Variants in FBLN2 observed in about 807,000 individuals in gnomAD.
FBLN2 encodes fibulin-2.
In FBLN2, 81 loss-of-function variants were observed where a neutral mutation model predicts 123.7. The ratio of observed to expected loss-of-function variants is 0.65; its 90% confidence interval spans 0.55 to 0.79. The LOEUF is 0.79. FBLN2 is among the 30% of genes least tolerant of loss of function. The pLI, the probability that FBLN2 is intolerant of heterozygous loss-of-function variation, is 0.00. For synonymous variants in FBLN2, 699 were observed against 701.4 expected, an observed-to-expected ratio of 1.00 and a Z score of 0.05; for missense variants, 1,603 against 1,681.3, an observed-to-expected ratio of 0.95 and a Z score of 0.81.
intron 2 of FBLN2, among the ~76,000 whole-genome samples, chr3:13,587,892 C>G (rs879364235): frequency 6.6e-6 from 1 of 152,204 alleles, no homozygotes; most frequent in Admixed American, 6.5e-5. Flanking sequence ...GTTGTCCTGC[C>G]TTTCTGGACC....
intron 6 of FBLN2, 139 bp from the exon 7 acceptor site, chr3:13,618,765 A>G (rs1393530327): frequency 1.5e-6 from 1 of 650,528 alleles, no homozygotes; most frequent in Non-Finnish European, 2.7e-6. Flanking sequence ...TCCAAACCTC[A>G]TTTTCCTCTC....
rs758976865 is a variant in FBLN2 at position 13,570,342 on chromosome 3, G to A, written c.-14G>A. 29 of 1,529,464 alleles carry A rather than the reference G, an allele frequency of 1.9e-5. No individual in the cohort carries two copies. The highest frequency in any genetic ancestry group is 2.5e-5 in the Non-Finnish European group (28 of 1,134,690). 94.7% of individuals were successfully genotyped at this position (1,529,464 alleles called of 1,614,324 possible). On this transcript the variant is annotated 5_prime_UTR_variant, in exon 2 of 18. Coordinates refer to ENST00000404922, the MANE Select transcript of FBLN2 (RefSeq NM_001004019.2). Reference sequence around the variant, plus strand: ...TCTTACAGGAGAGGGGACCGTCCTGGGCTGGCCTGGACCATGGTGCTGCTC... The same window carrying A: ...TCTTACAGGAGAGGGGACCGTCCTGAGCTGGCCTGGACCATGGTGCTGCTC...
chr3:13,623,366 T>C (rs543518707), intron 9 of FBLN2, among the ~76,000 whole-genome samples: 2 of 152,234 alleles, frequency 1.3e-5, no homozygotes, highest in East Asian at 3.9e-4. Flanking sequence ...AGCTGCAAAG[T>C]GGGTTCTGGG....
chr3:13,568,293 A>AC (rs1703809825), intron 1 of FBLN2, among the ~76,000 whole-genome samples: 1 of 151,934 alleles, frequency 6.6e-6, no homozygotes, highest in African/African-American at 2.4e-5. Context: ...GCGCTCCTGG[A>AC]CTTCTGTCTT....
chr3:13,613,238 A>G (rs1705463209), intron 4 of FBLN2, among the ~76,000 whole-genome samples: 2 of 152,402 alleles, frequency 1.3e-5, no homozygotes, highest in East Asian at 3.8e-4. Flanking sequence ...GACAGAAGGC[A>G]CAACCAAGAG....
intron 1 of FBLN2, among the ~76,000 whole-genome samples, chr3:13,564,438 G>A (rs1703686922): frequency 1.3e-5 from 2 of 152,200 alleles, no homozygotes. Context: ...GCCAACCTGA[G>A]ACTTTGTTCT....
intron 4 of FBLN2, 29 bp downstream of exon 4, chr3:13,609,671 GGGT>G: frequency 6.5e-7 from 1 of 1,532,252 alleles, no homozygotes; most frequent in South Asian, 1.2e-5. Flanking sequence ...CTTCAAGGCA[GGGT>G]GGGGTGGGGC....
At chr3:13,579,051 G>A (rs372878098) in intron 2 of FBLN2, among the ~76,000 whole-genome samples, 1 of 152,034 alleles carries the variant, frequency 6.6e-6, no homozygotes, top group East Asian at 1.9e-4. Flanking sequence ...GTGAAACTCC[G>A]TCTCAAAAAA....
chr3:13,619,698 G>C, intron 7 of FBLN2, 32 bp from the exon 8 acceptor site: 1 of 1,591,946 alleles, frequency 6.3e-7, no homozygotes, highest in Middle Eastern at 1.7e-4. Context: ...CCAGGGCCTG[G>C]TGGTCTCTGA....
At chr3:13,570,151 C>A (rs1703882149) in intron 1 of FBLN2, among the ~76,000 whole-genome samples, 164 bp from the exon 2 acceptor site, 1 of 152,150 alleles carries the variant, frequency 6.6e-6, no homozygotes, top group African/African-American at 2.4e-5. Flanking sequence ...CCATGTGTGG[C>A]GGAGCCTGTG....
intron 2 of FBLN2, among the ~76,000 whole-genome samples, chr3:13,587,381 AGT>A (rs1440164177): frequency 1.3e-5 from 2 of 152,190 alleles, no homozygotes; most frequent in African/African-American, 4.8e-5. Context: ...GTGTAGCTGA[AGT>A]GTCCAGTGTT....
intron 15 of FBLN2, among the ~76,000 whole-genome samples, 160 bp downstream of exon 15, chr3:13,630,975 G>T (rs1387094374): frequency 6.6e-6 from 1 of 152,172 alleles, no homozygotes; most frequent in Admixed American, 6.5e-5. Context: ...TGTGACCTTG[G>T]GCAGATTGCC....
intron 1 of FBLN2, among the ~76,000 whole-genome samples, chr3:13,559,357 G>T (rs1703548806): frequency 1.3e-5 from 2 of 151,972 alleles, no homozygotes; most frequent in Admixed American, 6.6e-5. Flanking sequence ...CTCTTTCTTG[G>T]CTTTTGTGTA....
At chr3:13,550,103 T>C (rs1703281456) in intron 1 of FBLN2, among the ~76,000 whole-genome samples, 1 of 152,064 alleles carries the variant, frequency 6.6e-6, no homozygotes, top group African/African-American at 2.4e-5. Context: ...ACACTGTGAG[T>C]CTCACATACG....
Position 13,638,142 on chromosome 3 carries a change from G to A in FBLN2, c.*223G>A. On this transcript the variant is annotated 3_prime_UTR_variant, in exon 18 of 18. Transcript: ENST00000404922. ...CACCAAGTGGAAGCTTGCACGGTGG[G>A]CCACGGCCGTGGCGGGTGCCCTGTG... 1 of 652,746 alleles carries A rather than the reference G, an allele frequency of 1.5e-6. No homozygotes were observed. Among genetic ancestry groups the A allele is most frequent in the Admixed American group, 2.9e-5 (1 of 35,034 alleles). 40.4% of individuals were successfully genotyped at this position (652,746 alleles called of 1,614,324 possible).
At chr3:13,606,070 G>T in intron 2 of FBLN2, among the ~76,000 whole-genome samples, 1 of 152,110 alleles carries the variant, frequency 6.6e-6, no homozygotes. Context: ...GAGTAGCTAG[G>T]CTAACTTTTT....
chr3:13,611,703 C>T (rs1705396411), intron 4 of FBLN2, among the ~76,000 whole-genome samples: 1 of 152,168 alleles, frequency 6.6e-6, no homozygotes, highest in Non-Finnish European at 1.5e-5. Context: ...GGGTTGCTTC[C>T]ACCTTTTGGC....
intron 2 of FBLN2, among the ~76,000 whole-genome samples, chr3:13,595,209 G>C (rs1460140616): frequency 6.6e-6 from 1 of 152,160 alleles, no homozygotes; most frequent in African/African-American, 2.4e-5. Flanking sequence ...GGGGTGTCCA[G>C]ACAGTAAACA....
chr3:13,609,428 G>A (rs759118567), intron 3 of FBLN2, 85 bp from the exon 4 acceptor site: 2 of 1,433,792 alleles, frequency 1.4e-6, no homozygotes, highest in Non-Finnish European at 1.8e-6. Context: ...CTTGGGCAGA[G>A]CTTCCCTCCT....
Sources: allele counts gnomAD v4.1 joint callset (sites outside exome capture counted in the v4.1 genomes callset), GRCh38; gene constraint gnomAD v4.1.1; transcripts MANE v1.5; gene names NCBI Gene and HGNC (gene_info 2026-07-23, HGNC 2026-07-21).